Variants in PPM1E observed in about 807,000 individuals in gnomAD.
PPM1E encodes the protein protein phosphatase, Mg2+/Mn2+ dependent 1E.
In PPM1E, 20 loss-of-function variants were observed where a neutral mutation model predicts 65.9. The ratio of observed to expected loss-of-function variants is 0.30; its 90% CI spans 0.21 to 0.44. The LOEUF is 0.44. PPM1E is among the 20% of genes least tolerant of loss of function. The pLI, the probability that PPM1E is intolerant of heterozygous loss-of-function variation, is 1.00. For missense variants in PPM1E, 713 were observed against 953.1 expected, an observed-to-expected ratio of 0.75 and a Z score of 3.32; for synonymous variants, 352 against 374.9, an observed-to-expected ratio of 0.94 and a Z score of 0.70.
intron 1 of PPM1E, among the ~76,000 whole-genome samples, chr17:58,905,222 A>T (rs1377027245): frequency 1.3e-5 from 2 of 152,200 alleles, no homozygotes; most frequent in Non-Finnish European, 2.9e-5. Context: ...TATTGCATTA[A>T]CTAGGACTTC....
intron 1 of PPM1E, among the ~76,000 whole-genome samples, chr17:58,773,265 C>T (rs1415035080): frequency 6.6e-6 from 1 of 152,076 alleles, no homozygotes; most frequent in Non-Finnish European, 1.5e-5. Context: ...TACAAGACAA[C>T]ACAAGACCAT....
At chr17:58,778,588 T>C (rs952932702) in intron 1 of PPM1E, among the ~76,000 whole-genome samples, 3 of 151,536 alleles carry the variant, frequency 2.0e-5, no homozygotes, top group Non-Finnish European at 4.4e-5. Context: ...TTTTATATTC[T>C]TTGTAGAGAT....
At chr17:58,880,790 A>AT (rs565071023) in intron 1 of PPM1E, among the ~76,000 whole-genome samples, 2,549 of 151,638 alleles carry the variant, frequency 0.017, 33 homozygotes, top group Non-Finnish European at 0.028. Context: ...CTGCTAGCTA[A>AT]TTTTTTTTGG....
intron 1 of PPM1E, among the ~76,000 whole-genome samples, chr17:58,826,729 G>A (rs545509168): frequency 2.0e-5 from 3 of 152,054 alleles, no homozygotes; most frequent in Admixed American, 6.6e-5. Flanking sequence ...AGGTTCAAGC[G>A]ATTTTTCTGC....
intron 1 of PPM1E, among the ~76,000 whole-genome samples, chr17:58,895,338 A>G (rs1254295387): frequency 6.6e-6 from 1 of 152,202 alleles, no homozygotes; most frequent in African/African-American, 2.4e-5. Context: ...GTGAAAGGAA[A>G]AGTCACGTCT....
intron 1 of PPM1E, among the ~76,000 whole-genome samples, chr17:58,760,281 A>G (rs1325713305): frequency 1.3e-5 from 2 of 152,216 alleles, no homozygotes; most frequent in African/African-American, 2.4e-5. Flanking sequence ...TTTGACTGCT[A>G]GAACAGCTTT....
At chr17:58,858,086 A>G (rs1454522145) in intron 1 of PPM1E, among the ~76,000 whole-genome samples, 1 of 152,176 alleles carries the variant, frequency 6.6e-6, no homozygotes, top group Non-Finnish European at 1.5e-5. Context: ...GATTGAGAAT[A>G]TAATGCTCTT....
At position 58,815,574 on chromosome 17, in the gene PPM1E, A is replaced by ATGC. The variant is rs550366093; in HGVS notation, c.464+59116_464+59118dup. Among the ~76,000 whole-genome samples, 37 of 152,288 alleles carry ATGC rather than the reference A, an allele frequency of 2.4e-4. No individual in the cohort carries two copies. The East Asian group carries it at 6.4e-3, about 26-fold the overall frequency. On this transcript the variant is annotated intron_variant, in intron 1 of 6. Coordinates refer to ENST00000308249, the MANE Select transcript of PPM1E (RefSeq NM_014906.5). ...GCTCTTACTTATTATAGCTCTGTTAATGCTGTTCCTTTCAAAGAATATTTT... is the reference window on the plus strand; with the variant it reads ...GCTCTTACTTATTATAGCTCTGTTAATGCTGCTGTTCCTTTCAAAGAATATTTT...
chr17:58,772,757 T>C (rs2049952706), intron 1 of PPM1E, among the ~76,000 whole-genome samples: 1 of 152,122 alleles, frequency 6.6e-6, no homozygotes, highest in Non-Finnish European at 1.5e-5. Context: ...CATTCATTCA[T>C]ATATTCAGTT....
chr17:58,765,377 C>T (rs931559915), intron 1 of PPM1E, among the ~76,000 whole-genome samples: 1 of 151,778 alleles, frequency 6.6e-6, no homozygotes, highest in Non-Finnish European at 1.5e-5. Context: ...GTAGTTTCAC[C>T]ATGTTGGCCA....
chr17:58,905,586 C>T (rs1040333131), intron 1 of PPM1E, among the ~76,000 whole-genome samples: 22 of 151,882 alleles, frequency 1.4e-4, no homozygotes, highest in African/African-American at 4.8e-4. Flanking sequence ...ATGTATAAAT[C>T]TTTTTATACA....
intron 1 of PPM1E, among the ~76,000 whole-genome samples, chr17:58,850,823 T>G (rs1376968765): frequency 1.3e-5 from 2 of 152,238 alleles, no homozygotes; most frequent in African/African-American, 4.8e-5. Flanking sequence ...AATGTTGGCC[T>G]GCCTTGCTAC....
At chr17:58,937,844 C>T (rs537343061) in intron 1 of PPM1E, among the ~76,000 whole-genome samples, 4 of 130,138 alleles carry the variant, frequency 3.1e-5, no homozygotes, top group Admixed American at 8.7e-5. Flanking sequence ...GGTGCCACTG[C>T]GCTCCAGCCT....
intron 1 of PPM1E, among the ~76,000 whole-genome samples, chr17:58,811,245 T>C (rs1018344857): frequency 1.3e-5 from 2 of 152,154 alleles, no homozygotes; most frequent in African/African-American, 4.8e-5. Flanking sequence ...CATTTTTAGG[T>C]GACATGTTGA....
At chr17:58,822,370 AT>A (rs1567843999) in intron 1 of PPM1E, among the ~76,000 whole-genome samples, 7 of 132,794 alleles carry the variant, frequency 5.3e-5, no homozygotes, top group African/African-American at 1.9e-4. Flanking sequence ...TTATTTATTT[AT>A]TTATTTTTTG....
At chr17:58,809,560 A>T (rs1413310885) in intron 1 of PPM1E, among the ~76,000 whole-genome samples, 1 of 151,300 alleles carries the variant, frequency 6.6e-6, no homozygotes. Flanking sequence ...ATTTTTGTTT[A>T]TTTTTTTTGC....
At chr17:58,759,225 T>A (rs1026595085) in intron 1 of PPM1E, among the ~76,000 whole-genome samples, 1 of 152,142 alleles carries the variant, frequency 6.6e-6, no homozygotes, top group Non-Finnish European at 1.5e-5. Flanking sequence ...GCCACTGTAC[T>A]CCAGCCTGAG....
At chr17:58,756,658 ACG>A (rs2049769497) in intron 1 of PPM1E, among the ~76,000 whole-genome samples, 197 bp downstream of exon 1, 1 of 148,566 alleles carries the variant, frequency 6.7e-6, no homozygotes, top group Non-Finnish European at 1.5e-5. Flanking sequence ...CTCGGCCCCC[ACG>A]CCCGCCTCGG....
chr17:58,971,407 G>A (rs1224674492), intron 4 of PPM1E, among the ~76,000 whole-genome samples: 1 of 152,152 alleles, frequency 6.6e-6, no homozygotes, highest in Non-Finnish European at 1.5e-5. Flanking sequence ...TCATTTGGTG[G>A]TGACTCATGT....
Sources: gnomAD v4.1 joint callset for allele counts (sites outside exome capture counted in the v4.1 genomes callset) on GRCh38, gnomAD v4.1.1 for gene constraint, MANE v1.5 for transcripts, NCBI Gene and HGNC (gene_info 2026-07-23, HGNC 2026-07-21) for gene names.